MYO3A: variants seen among roughly 807,000 people sequenced by gnomAD.
MYO3A encodes myosin-IIIa.
MYO3A carries 180 observed loss-of-function variants against 192.7 expected under a neutral mutation model. The ratio of observed to expected loss-of-function variants is 0.93; its 90% confidence interval spans 0.83 to 1.06. MYO3A has a LOEUF of 1.06. Ranked by LOEUF, MYO3A falls within the 50% of genes least tolerant of loss-of-function variation. MYO3A has a pLI of 0.00. For missense variants in MYO3A, 1,896 were observed against 1,905.0 expected, an observed-to-expected ratio of 1.00 and a Z score of 0.09; for synonymous variants, 628 against 645.3, an observed-to-expected ratio of 0.97 and a Z score of 0.41.
chr10:25,947,667 A>G (rs1408542099), intron 2 of MYO3A, among the ~76,000 whole-genome samples: 2 of 152,154 alleles, frequency 1.3e-5, no homozygotes, highest in Non-Finnish European at 2.9e-5. Context: ...TGTTGGGATT[A>G]CAGGCGTGAG....
intron 4 of MYO3A, among the ~76,000 whole-genome samples, chr10:25,986,523 T>C (rs1839663623): frequency 6.6e-6 from 1 of 152,172 alleles, no homozygotes; most frequent in African/African-American, 2.4e-5. Flanking sequence ...GGAAACAAAA[T>C]TGATGTACAC....
chr10:26,046,496 C>G (rs552821099), intron 10 of MYO3A, among the ~76,000 whole-genome samples: 1 of 152,296 alleles, frequency 6.6e-6, no homozygotes, highest in Admixed American at 6.5e-5. Context: ...AGTGCCCTCA[C>G]CCTGGAGCAC....
chr10:26,082,483 A>G (rs1280729231), intron 14 of MYO3A, among the ~76,000 whole-genome samples: 1 of 152,070 alleles, frequency 6.6e-6, no homozygotes, highest in African/African-American at 2.4e-5. Context: ...TTTTTGGGAT[A>G]TTTGGGGCTT....
At position 25,944,251 on chromosome 10, in the gene MYO3A, A is replaced by G. The variant is rs1377237208; in HGVS notation, c.-17-7843A>G. ...TTTTGTATTCCAGAAATAAATCACC[A>G]TTGGTCATGGTGTATGATCCTTTTA... On this transcript the variant is annotated intron_variant, in intron 2 of 34. Transcript: ENST00000642920. 2.0e-5 allele frequency among the ~76,000 whole-genome samples: 3 copies of G among 151,988 alleles called. No individual in the cohort carries two copies. In the East Asian group the frequency reaches 5.8e-4, roughly 29 times the overall value.
intron 34 of MYO3A, among the ~76,000 whole-genome samples, chr10:26,206,536 C>T (rs182078465): frequency 6.6e-6 from 1 of 152,108 alleles, no homozygotes; most frequent in Non-Finnish European, 1.5e-5. Flanking sequence ...GCAACCTCCA[C>T]CTCCCAGGTT....
Position 26,173,768 on chromosome 10 carries a change from T to C in MYO3A, c.3504T>C (p.Thr1168=). Reference sequence around the variant, plus strand: ...GTGTATCTGTAGTGAAGACTTCCACTTTCAAACCTGAAGAGGAAACCACCA... The same window carrying C: ...GTGTATCTGTAGTGAAGACTTCCACCTTCAAACCTGAAGAGGAAACCACCA... ...KGSVSVVKTS[T]FKPEEETTNA... is the part of the protein sequence containing the mutation. The change falls in exon 30 of 35, where the codon ACT becomes ACC. Residue 1168 remains threonine, a synonymous_variant. Coordinates refer to ENST00000642920, the MANE Select transcript of MYO3A (RefSeq NM_017433.5). The C allele has an allele frequency of 6.2e-7, 1 of 1,614,126 alleles. No homozygotes were observed. Among genetic ancestry groups the C allele is most frequent in the African/African-American group, 1.3e-5 (1 of 75,038 alleles).
At chr10:26,082,599 C>G (rs1009340672) in intron 14 of MYO3A, among the ~76,000 whole-genome samples, 1 of 152,110 alleles carries the variant, frequency 6.6e-6, no homozygotes, top group Non-Finnish European at 1.5e-5. Context: ...CAGATAATTT[C>G]AAACCCTATA....
At chr10:26,067,172 A>T (rs2131373000) in intron 11 of MYO3A, 98 bp downstream of exon 11, 2 of 789,680 alleles carry the variant, frequency 2.5e-6, no homozygotes, top group Non-Finnish European at 4.4e-6. Flanking sequence ...TATATAGATT[A>T]TGATGGTTAT....
chr10:26,081,951 T>C (rs1040026692), intron 14 of MYO3A, among the ~76,000 whole-genome samples: 8 of 152,322 alleles, frequency 5.3e-5, no homozygotes, highest in African/African-American at 1.7e-4. Context: ...GCAATCCGCT[T>C]TCTTTAGAGG....
chr10:26,065,433 A>T (rs181603987), intron 10 of MYO3A, among the ~76,000 whole-genome samples: 1 of 151,880 alleles, frequency 6.6e-6, no homozygotes, highest in South Asian at 2.1e-4. Flanking sequence ...AAAATGCAAA[A>T]AAATTAGCTG....
At chr10:26,003,953 T>C (rs1841014756) in intron 6 of MYO3A, among the ~76,000 whole-genome samples, 2 of 152,200 alleles carry the variant, frequency 1.3e-5, no homozygotes, top group African/African-American at 4.8e-5. Flanking sequence ...GTGATTTGTT[T>C]ATTAATAACC....
At chr10:26,148,551 G>T (rs1486617390) in intron 23 of MYO3A, among the ~76,000 whole-genome samples, 1 of 152,160 alleles carries the variant, frequency 6.6e-6, no homozygotes, top group African/African-American at 2.4e-5. Context: ...GTTGGGTTTT[G>T]ATTGGAATGC....
chr10:26,090,022 G>A (rs952330802), intron 15 of MYO3A, among the ~76,000 whole-genome samples: 2 of 152,180 alleles, frequency 1.3e-5, no homozygotes, highest in African/African-American at 4.8e-5. Flanking sequence ...AAACTCAGTG[G>A]ACATGTGTGT....
Position 26,151,427 on chromosome 10 carries a change from C to T in MYO3A, c.2636-2423C>T, listed in dbSNP as rs188110544. On this transcript the variant is annotated intron_variant, in intron 23 of 34. Coordinates refer to ENST00000642920, the MANE Select transcript of MYO3A (RefSeq NM_017433.5). ...TTTGTTATGTGATGACCCTTTTCAT[C>T]CTTGGCAGTATTGTTTGTTCTGAAA... 6.0e-3 allele frequency among the ~76,000 whole-genome samples: 916 copies of T among 151,968 alleles called. 2 individuals carry two copies. The highest frequency in any genetic ancestry group is 9.5e-3 in the Non-Finnish European group (643 of 67,964).
chr10:25,986,178 G>C (rs571581211), intron 4 of MYO3A, among the ~76,000 whole-genome samples: 122 of 152,110 alleles, frequency 8.0e-4, no homozygotes, highest in African/African-American at 2.7e-3. Context: ...AAAGCCCTCA[G>C]GAAAATTGGC....
chr10:26,031,255 G>A lies in MYO3A; in HGVS notation c.953+4723G>A, dbSNP rs78037691. ...AATGGAGAGGATGGGAGAGAGCCAG[G>A]TTTAGTCATGAAAGCCGGTGGCTTC... On this transcript the variant is annotated intron_variant, in intron 10 of 34. Transcript: ENST00000642920. Among the ~76,000 whole-genome samples, 453 of 152,328 alleles carry A rather than the reference G, an allele frequency of 3.0e-3. 3 individuals carry two copies. The highest frequency in any genetic ancestry group is 0.011 in the African/African-American group (439 of 41,588).
intron 2 of MYO3A, among the ~76,000 whole-genome samples, chr10:25,947,901 A>G (rs1171312129): frequency 3.3e-5 from 5 of 152,194 alleles, no homozygotes; most frequent in African/African-American, 7.2e-5. Context: ...AGGGGCTTAC[A>G]TTCTGGTAGT....
At chr10:26,048,187 G>A (rs1251995875) in intron 10 of MYO3A, among the ~76,000 whole-genome samples, 1 of 152,140 alleles carries the variant, frequency 6.6e-6, no homozygotes, top group Non-Finnish European at 1.5e-5. Flanking sequence ...CTTACTGCCA[G>A]GAACACAGGG....
rs149726025 is a variant in MYO3A, at chr10:26,092,568, T to C, written c.1563-3813T>C. 1.5e-3 allele frequency among the ~76,000 whole-genome samples: 225 copies of C among 152,324 alleles called. 3 individuals carry two copies. The highest frequency in any genetic ancestry group is 5.1e-3 in the African/African-American group (210 of 41,578). ...TTCACAGGTGAGTTAAGCTATACCC[T>C]TGTGAGTACTTTGACACCGTTTGAG... On this transcript the variant is annotated intron_variant, in intron 15 of 34. Transcript: ENST00000642920.
Sources: allele counts gnomAD v4.1 joint callset (sites outside exome capture counted in the v4.1 genomes callset), GRCh38; gene constraint gnomAD v4.1.1; transcripts MANE v1.5; gene names NCBI Gene and HGNC (gene_info 2026-07-23, HGNC 2026-07-21).